LRRC4C: variants seen among roughly 807,000 people sequenced by gnomAD.
The protein encoded by LRRC4C is leucine rich repeat containing 4C.
A neutral mutation model predicts 33.6 loss-of-function variants in LRRC4C; 5 were observed. That is an observed-to-expected ratio of 0.15 (90% CI 0.08 to 0.31). The LOEUF (loss-of-function observed/expected upper bound fraction) is 0.31, where lower values mean the gene tolerates loss of function less well. LRRC4C is among the 10% of genes least tolerant of loss of function. The pLI is 1.00. For synonymous variants in LRRC4C, 329 were observed against 302.0 expected (o/e 1.09, Z -0.93); for missense variants, 560 against 796.7 (o/e 0.70, Z 3.58).
intron 4 of LRRC4C, among the ~76,000 whole-genome samples, chr11:40,308,919 A>T (rs1361060461): frequency 6.6e-6 from 1 of 152,234 alleles, no homozygotes; most frequent in Non-Finnish European, 1.5e-5. Flanking sequence ...ATGAATCATC[A>T]GAATGGGCTG....
In LRRC4C at chr11:40,779,195, GA is replaced by G. The variant is rs200154797; in HGVS notation, c.-406-130918del. 4.0e-5 allele frequency among the ~76,000 whole-genome samples: 6 copies of G among 149,836 alleles called. No individual in the cohort carries two copies. The South Asian group carries it at 6.3e-4, about 16-fold the overall frequency. On this transcript the variant is annotated intron_variant, in intron 2 of 6. Coordinates refer to ENST00000528697, the MANE Select transcript of LRRC4C (RefSeq NM_001258419.2). ...TTCTGATAGCATGGAAGCAAGCAGT[GA>G]AAAAAAAAGAGAAGAGACTCAAAGA...
chr11:40,327,533 T>A (rs1230786967), intron 3 of LRRC4C, among the ~76,000 whole-genome samples: 1 of 152,208 alleles, frequency 6.6e-6, no homozygotes, highest in Non-Finnish European at 1.5e-5. Flanking sequence ...GCTATGGAGC[T>A]TCAAAATAAT....
In LRRC4C at chr11:40,115,091, A is replaced by G. The variant is rs1855324903; in HGVS notation, c.1202T>C (p.Val401Ala). ...ACCATCACTGAGCACAGCTATCCGC[A>G]CTTTGTACGCCCCATGTGTCATGAC... ...GTVMTHGAYKVRIAVLSDGTL... is the reference protein window; with the variant it reads ...GTVMTHGAYKARIAVLSDGTL... Residue 401 changes from valine to alanine, a missense_variant, in exon 7 of 7, where the codon GTG (valine) becomes GCG (alanine). Physicochemically the swap from Val to Ala is moderately conservative, Grantham distance 64 (BLOSUM62 0). Coordinates refer to ENST00000528697, the MANE Select transcript of LRRC4C (RefSeq NM_001258419.2). This position sits in a 1 kb window ranked among gnomAD's most constrained non-coding sequence, Gnocchi z 6.7. The G allele has an allele frequency of 6.2e-7, 1 of 1,614,196 alleles. No individual in the cohort carries two copies. The highest frequency in any genetic ancestry group is 8.5e-7 in the Non-Finnish European group (1 of 1,180,042).
chr11:40,924,856 G>A (rs974083907), intron 2 of LRRC4C, among the ~76,000 whole-genome samples: 2 of 151,982 alleles, frequency 1.3e-5, no homozygotes, highest in Admixed American at 6.6e-5. Context: ...ATGAAGAGAG[G>A]GACCTCCTCC....
chr11:41,335,718 T>C (rs1281222480), intron 1 of LRRC4C, among the ~76,000 whole-genome samples: 4 of 152,178 alleles, frequency 2.6e-5, no homozygotes, highest in Admixed American at 2.6e-4. Context: ...GTATAGCAAA[T>C]GAATGAATAT....
At position 40,326,094 on chromosome 11, in the gene LRRC4C, G is replaced by C. The variant is rs564665262; in HGVS notation, c.-269-6373C>G. Reference sequence around the variant, plus strand: ...AAAAAAAAAAAGGTGGAATTTTGTTGCACTTAGGTTATAAAAACTGTTGCT... The same window carrying C: ...AAAAAAAAAAAGGTGGAATTTTGTTCCACTTAGGTTATAAAAACTGTTGCT... On this transcript the variant is annotated intron_variant, in intron 3 of 6. Coordinates refer to ENST00000528697, the MANE Select transcript of LRRC4C (RefSeq NM_001258419.2). 3.3e-5 allele frequency among the ~76,000 whole-genome samples: 5 copies of C among 150,496 alleles called. No individual in the cohort carries two copies. The South Asian group carries it at 1.0e-3, about 32-fold the overall frequency.
intron 5 of LRRC4C, among the ~76,000 whole-genome samples, chr11:40,169,831 T>C (rs1310262943): frequency 6.6e-6 from 1 of 152,212 alleles, no homozygotes; most frequent in East Asian, 1.9e-4. Flanking sequence ...GCACTAATTA[T>C]ATATAAGGGT....
At chr11:40,197,957 T>C (rs1236548827) in intron 5 of LRRC4C, among the ~76,000 whole-genome samples, 1 of 152,174 alleles carries the variant, frequency 6.6e-6, no homozygotes, top group East Asian at 1.9e-4. Context: ...AAGCTAGACA[T>C]GATCATTGAT....
Position 41,317,807 on chromosome 11 carries a change from T to C in LRRC4C, c.-496+141624A>G, listed in dbSNP as rs1000873435. 8.5e-5 allele frequency among the ~76,000 whole-genome samples: 13 copies of C among 152,174 alleles called. No homozygotes were observed. In the East Asian group the frequency reaches 2.5e-3, roughly 29 times the overall value. ...CATATACAATTTTGCTGGAAGACAA[T>C]GTATGGTCATCTATTGAAAGCTTTA... On this transcript the variant is annotated intron_variant, in intron 1 of 6. Transcript: ENST00000528697.
intron 1 of LRRC4C, among the ~76,000 whole-genome samples, chr11:41,187,300 T>G (rs1374051848): frequency 6.6e-6 from 1 of 152,138 alleles, no homozygotes; most frequent in Non-Finnish European, 1.5e-5. Context: ...GTAGCAGGCA[T>G]GCACACAAGT....
At chr11:40,739,610 A>T (rs1948061068) in intron 2 of LRRC4C, among the ~76,000 whole-genome samples, 4 of 151,990 alleles carry the variant, frequency 2.6e-5, no homozygotes, top group Admixed American at 2.6e-4. Context: ...TGAGGGAGAG[A>T]CCTAGTGGGA....
chr11:41,079,939 C>T (rs186811234), intron 1 of LRRC4C, among the ~76,000 whole-genome samples: 1 of 152,260 alleles, frequency 6.6e-6, no homozygotes, highest in Admixed American at 6.5e-5. Flanking sequence ...TGACTATCCA[C>T]AGATTCTACT....
intron 2 of LRRC4C, among the ~76,000 whole-genome samples, chr11:40,929,672 T>A (rs912695185): frequency 6.6e-6 from 1 of 152,134 alleles, no homozygotes; most frequent in Non-Finnish European, 1.5e-5. Flanking sequence ...TGGAGTGCAG[T>A]GGCGCGATCT....
intron 3 of LRRC4C, among the ~76,000 whole-genome samples, chr11:40,461,206 G>A (rs1952382125): frequency 6.6e-6 from 1 of 152,236 alleles, no homozygotes; most frequent in African/African-American, 2.4e-5. Context: ...GGAAAAATGA[G>A]AACTCAGAAG....
intron 2 of LRRC4C, among the ~76,000 whole-genome samples, chr11:40,670,162 T>A (rs769261495): frequency 6.6e-6 from 1 of 152,130 alleles, no homozygotes; most frequent in Admixed American, 6.5e-5. Flanking sequence ...ATCTCAGGAG[T>A]GGAGAACATT....
intron 1 of LRRC4C, among the ~76,000 whole-genome samples, chr11:41,206,558 C>A (rs1404105025): frequency 6.6e-6 from 1 of 152,146 alleles, no homozygotes; most frequent in Non-Finnish European, 1.5e-5. Context: ...TAACCACTTG[C>A]TTTAGAATTA....
At chr11:41,289,212 G>A (rs980274939) in intron 1 of LRRC4C, among the ~76,000 whole-genome samples, 2 of 151,988 alleles carry the variant, frequency 1.3e-5, no homozygotes, top group Non-Finnish European at 2.9e-5. Flanking sequence ...CTCTTATTTT[G>A]TTAAACCACT....
intron 1 of LRRC4C, among the ~76,000 whole-genome samples, chr11:40,938,037 C>G (rs1186962764): frequency 6.6e-6 from 1 of 152,102 alleles, no homozygotes; most frequent in Non-Finnish European, 1.5e-5. Flanking sequence ...CTGTGATTAT[C>G]AAGAGCCAAT....
intron 1 of LRRC4C, among the ~76,000 whole-genome samples, chr11:41,448,128 T>TTTTTTTG (rs1028866660): frequency 1.4e-5 from 2 of 139,264 alleles, no homozygotes; most frequent in African/African-American, 5.3e-5. Context: ...GTCTGTTTTT[T>TTTTTTTG]TTTTTTTTTT....
Sources: allele counts gnomAD v4.1 joint callset (sites outside exome capture counted in the v4.1 genomes callset), GRCh38; gene constraint gnomAD v4.1.1; non-coding constraint Gnocchi (gnomAD v3.1); transcripts MANE v1.5; gene names NCBI Gene and HGNC (gene_info 2026-07-23, HGNC 2026-07-21).